Variants in PTPRD observed in about 807,000 individuals in gnomAD.
PTPRD encodes receptor-type tyrosine-protein phosphatase delta.
PTPRD carries 34 observed loss-of-function variants against 214.5 expected under a neutral mutation model. The ratio of observed to expected loss-of-function variants is 0.16; its 90% CI spans 0.12 to 0.21. PTPRD has a LOEUF of 0.21. PTPRD is among the 10% of genes least tolerant of loss of function. The pLI is 1.00. For synonymous variants in PTPRD, 1,128 were observed against 845.7 expected (o/e 1.33, Z -5.79); for missense variants, 2,545 against 2,398.7 (o/e 1.06, Z -1.27).
chr9:9,990,535 G>A lies in PTPRD; in HGVS notation c.-472+43183C>T, dbSNP rs567751493. Among the ~76,000 whole-genome samples the A allele has an allele frequency of 4.6e-5, 7 of 152,304 alleles. 1 individual carries two copies. The South Asian group carries it at 8.3e-4, about 18-fold the overall frequency. ...ACTGTGCCCAGTGGCCAAGCAGAGC[G>A]GAAGTAAGCTGTGCACACTGCCCAG... is the stretch of plus-strand genomic sequence containing the variant. On this transcript the variant is annotated intron_variant, in intron 4 of 45. Transcript: ENST00000381196.
At chr9:8,388,135 C>G (rs1380895520) in intron 37 of PTPRD, among the ~76,000 whole-genome samples, 1 of 151,546 alleles carries the variant, frequency 6.6e-6, no homozygotes, top group Admixed American at 6.6e-5. Context: ...TTTGAGGTTA[C>G]AGTTGTGGCT....
chr9:10,439,950 G>A (rs112310303), intron 2 of PTPRD, among the ~76,000 whole-genome samples: 87 of 151,232 alleles, frequency 5.8e-4, no homozygotes, highest in Non-Finnish European at 1.0e-3. Flanking sequence ...GTGTTGTTAC[G>A]GTTTTGTAAT....
intron 11 of PTPRD, among the ~76,000 whole-genome samples, chr9:8,812,145 T>C (rs1600596787): frequency 1.3e-5 from 2 of 152,158 alleles, no homozygotes; most frequent in South Asian, 4.1e-4. Flanking sequence ...GAAAGCTAAA[T>C]GTAGAATGGC....
rs115164700 is a variant in PTPRD, at chr9:10,598,084, T to A, written c.-600+14314A>T. Among the ~76,000 whole-genome samples, 268 of 151,868 alleles carry A rather than the reference T, an allele frequency of 1.8e-3. 1 individual carries two copies. Among genetic ancestry groups the A allele is most frequent in the African/African-American group, 6.3e-3 (262 of 41,510 alleles). On this transcript the variant is annotated intron_variant, in intron 2 of 45. Coordinates refer to ENST00000381196, the MANE Select transcript of PTPRD (RefSeq NM_002839.4). The stretch of plus-strand genomic sequence containing the variant: ...ATTCTTATTGGACAATTGCACTGTG[T>A]ATGGAGTGACAAGAAAGCCACAGAT...
rs116493500 is a variant in PTPRD, at chr9:9,478,365, T to C, written c.-236-80883A>G. 2.6e-3 allele frequency among the ~76,000 whole-genome samples: 395 copies of C among 152,288 alleles called. 2 individuals carry two copies. Among genetic ancestry groups the C allele is most frequent in the African/African-American group, 9.1e-3 (379 of 41,544 alleles). Reference sequence around the variant, plus strand: ...TCTTGGATTCTGACATTCTGAGAGGTTAATAGCTGAATAACAATAGTAAAA... The same window carrying C: ...TCTTGGATTCTGACATTCTGAGAGGCTAATAGCTGAATAACAATAGTAAAA... On this transcript the variant is annotated intron_variant, in intron 8 of 45. Coordinates refer to ENST00000381196, the MANE Select transcript of PTPRD (RefSeq NM_002839.4).
intron 9 of PTPRD, among the ~76,000 whole-genome samples, chr9:9,274,234 A>T (rs1944086385): frequency 6.6e-6 from 1 of 151,228 alleles, no homozygotes; most frequent in Non-Finnish European, 1.5e-5. Context: ...TATAACATAT[A>T]CACAGTCTTG....
At chr9:10,279,765 C>T (rs972598661) in intron 3 of PTPRD, among the ~76,000 whole-genome samples, 5 of 150,946 alleles carry the variant, frequency 3.3e-5, no homozygotes, top group African/African-American at 1.2e-4. Context: ...GCTTTCAGAA[C>T]ACTATAAGGG....
At chr9:8,841,360 G>T (rs537282379) in intron 11 of PTPRD, among the ~76,000 whole-genome samples, 1 of 152,184 alleles carries the variant, frequency 6.6e-6, no homozygotes, top group South Asian at 2.1e-4. Flanking sequence ...CCAAGCATAG[G>T]CACTTCTGTC....
chr9:10,114,658 T>C (rs2098716414), intron 3 of PTPRD, among the ~76,000 whole-genome samples: 1 of 152,110 alleles, frequency 6.6e-6, no homozygotes, highest in African/African-American at 2.4e-5. Flanking sequence ...TGCTTATCAA[T>C]ATGAAATATG....
At chr9:8,663,907 A>G (rs1467772420) in intron 12 of PTPRD, among the ~76,000 whole-genome samples, 1 of 152,040 alleles carries the variant, frequency 6.6e-6, no homozygotes, top group Non-Finnish European at 1.5e-5. Flanking sequence ...AAAAAAAAAA[A>G]AGCAAGCTTA....
At chr9:10,330,340 G>A (rs10118721) in intron 3 of PTPRD, among the ~76,000 whole-genome samples, 52,492 of 151,510 alleles carry the variant, frequency 0.35, 10,213 homozygotes, top group African/African-American at 0.53. Context: ...GTAACAAAGA[G>A]CAGAGAATAA....
chr9:9,459,516 AAAATT>A (rs1231275865), intron 8 of PTPRD, among the ~76,000 whole-genome samples: 2 of 152,284 alleles, frequency 1.3e-5, no homozygotes, highest in Admixed American at 1.3e-4. Flanking sequence ...TTCAAGATAC[AAAATT>A]AATACACAAA....
chr9:9,823,590 G>A (rs553858675), intron 5 of PTPRD, among the ~76,000 whole-genome samples: 15 of 152,060 alleles, frequency 9.9e-5, no homozygotes, highest in African/African-American at 3.6e-4. Context: ...AACATGAATG[G>A]AACTAGAGAA....
In PTPRD at chr9:8,965,030, T is replaced by G. The variant is rs571725350; in HGVS notation, c.-104+53667A>C. On this transcript the variant is annotated intron_variant, in intron 11 of 45. Coordinates refer to ENST00000381196, the MANE Select transcript of PTPRD (RefSeq NM_002839.4). ...AGAATATATATTCTATGGTGATGGG[T>G]GCATGTAGATGTCTATTAAGTCCAG... Among the ~76,000 whole-genome samples the G allele has an allele frequency of 2.0e-3, 303 of 152,184 alleles. 1 individual carries two copies. Among genetic ancestry groups the G allele is most frequent in the Non-Finnish European group, 3.0e-3 (204 of 68,000 alleles).
intron 11 of PTPRD, among the ~76,000 whole-genome samples, chr9:8,992,659 C>G (rs1053244124): frequency 3.3e-5 from 5 of 152,086 alleles, no homozygotes; most frequent in African/African-American, 1.2e-4. Context: ...ACAAACTGTG[C>G]TCAAAAATCT....
chr9:9,390,832 A>G (rs1185797420), intron 9 of PTPRD, among the ~76,000 whole-genome samples: 1 of 152,262 alleles, frequency 6.6e-6, no homozygotes, highest in Non-Finnish European at 1.5e-5. Flanking sequence ...TTGTTTCCTC[A>G]TCTGTGAAAT....
intron 8 of PTPRD, among the ~76,000 whole-genome samples, chr9:9,520,269 ATATATATATATATTAAGT>A (rs201332684): frequency 0.29 from 42,081 of 146,246 alleles, 7,402 homozygotes; most frequent in Non-Finnish European, 0.38. Context: ...TAAAAGTTAT[ATATATATATATATTAAGT>A]TATATATATA....
At chr9:9,296,928 T>G (rs1052026162) in intron 9 of PTPRD, among the ~76,000 whole-genome samples, 1 of 151,812 alleles carries the variant, frequency 6.6e-6, no homozygotes, top group Non-Finnish European at 1.5e-5. Context: ...CAGCTCCATC[T>G]AAAGCAATTA....
chr9:10,037,355 G>C (rs1330635989), intron 3 of PTPRD, among the ~76,000 whole-genome samples: 1 of 151,998 alleles, frequency 6.6e-6, no homozygotes, highest in East Asian at 1.9e-4. Context: ...TGCAGCAGGA[G>C]TGAGTAACAA....
Sources: gnomAD v4.1 joint callset for allele counts (sites outside exome capture counted in the v4.1 genomes callset) on GRCh38, gnomAD v4.1.1 for gene constraint, MANE v1.5 for transcripts, NCBI Gene and HGNC (gene_info 2026-07-23, HGNC 2026-07-21) for gene names.